MAPK10: variants seen among roughly 807,000 people sequenced by gnomAD.
The protein encoded by MAPK10 is mitogen-activated protein kinase 10, also known as JNK3 alpha protein kinase.
A neutral mutation model predicts 59.3 loss-of-function variants in MAPK10; 25 were observed. The ratio of observed to expected loss-of-function variants is 0.42; its 90% CI spans 0.31 to 0.59. MAPK10 has a LOEUF of 0.59. Among genes scored for constraint, MAPK10 ranks in the 20% least tolerant of loss-of-function variants. The pLI, the probability that MAPK10 is intolerant of heterozygous loss-of-function variation, is 0.15. For synonymous variants in MAPK10, 190 were observed against 200.5 expected (o/e 0.95, Z 0.44); for missense variants, 351 against 568.9 (o/e 0.62, Z 3.90).
chr4:86,045,398 C>G (rs1553926910), intron 11 of MAPK10, among the ~76,000 whole-genome samples: 1 of 152,090 alleles, frequency 6.6e-6, no homozygotes, highest in Non-Finnish European at 1.5e-5. Context: ...TATTACTCAT[C>G]TTTGAATTCC....
intron 1 of MAPK10, among the ~76,000 whole-genome samples, chr4:86,547,194 C>T (rs540346270): frequency 6.6e-6 from 1 of 152,384 alleles, no homozygotes; most frequent in South Asian, 2.1e-4. Context: ...CTCGGCGCCT[C>T]CCCTGCCTGG....
chr4:86,300,134 C>CTA (rs1264429381), intron 2 of MAPK10, among the ~76,000 whole-genome samples: 2 of 152,258 alleles, frequency 1.3e-5, no homozygotes, highest in African/African-American at 4.8e-5. Flanking sequence ...CTCAAGTGAT[C>CTA]TGCCCACCTC....
intron 1 of MAPK10, among the ~76,000 whole-genome samples, chr4:86,571,585 A>G (rs1761458336): frequency 6.6e-6 from 1 of 152,142 alleles, no homozygotes; most frequent in Non-Finnish European, 1.5e-5. Context: ...GAGGAAGTTA[A>G]AAGTTAAGTA....
chr4:86,296,185 A>AAG (rs1272319237), intron 2 of MAPK10, among the ~76,000 whole-genome samples: 11 of 151,840 alleles, frequency 7.2e-5, no homozygotes, highest in Admixed American at 4.6e-4. Context: ...CAAAAAAAAA[A>AAG]AAAAAGAAAA....
chr4:86,481,334 C>T (rs1753597325), intron 1 of MAPK10, among the ~76,000 whole-genome samples: 1 of 151,474 alleles, frequency 6.6e-6, no homozygotes, highest in South Asian at 2.1e-4. Flanking sequence ...GAGTTTAAGG[C>T]ACCAATCAGC....
chr4:86,488,805 G>C (rs1334858374), intron 1 of MAPK10, among the ~76,000 whole-genome samples: 1 of 152,044 alleles, frequency 6.6e-6, no homozygotes, highest in East Asian at 1.9e-4. Flanking sequence ...CCTCACCTCA[G>C]CCTAGAATCC....
At chr4:86,327,484 C>T (rs1306187630) in intron 2 of MAPK10, 1 of 151,660 alleles carries the variant, frequency 6.6e-6, no homozygotes, top group Non-Finnish European at 1.5e-5. Context: ...CTGTCTTGTA[C>T]TAGCCAACAC....
At chr4:86,547,592 G>A (rs1759333825) in intron 1 of MAPK10, among the ~76,000 whole-genome samples, 2 of 152,290 alleles carry the variant, frequency 1.3e-5, no homozygotes, top group South Asian at 4.1e-4. Flanking sequence ...GCCGCCCCCT[G>A]CTCCACAGCA....
At chr4:86,538,401 C>G (rs1012854943) in intron 1 of MAPK10, among the ~76,000 whole-genome samples, 2 of 152,194 alleles carry the variant, frequency 1.3e-5, no homozygotes, top group African/African-American at 4.8e-5. Flanking sequence ...CCACCTTGGC[C>G]TCCCAAAGTG....
intron 1 of MAPK10, among the ~76,000 whole-genome samples, chr4:86,450,969 A>G (rs559989719): frequency 6.6e-6 from 1 of 152,346 alleles, no homozygotes; most frequent in South Asian, 2.1e-4. Context: ...TTGGATGTAA[A>G]TCCAAATCCT....
rs143551348 is a variant in MAPK10 at position 86,302,998 on chromosome 4, G to C, written c.-7+51532C>G. On this transcript the variant is annotated intron_variant, in intron 2 of 13. Transcript: ENST00000641462. Reference sequence around the variant, plus strand: ...GTAAGGCTGCCTCCTGTCCACTTTAGACTCAAACATCCCATTACCGGAATT... The same window carrying C: ...GTAAGGCTGCCTCCTGTCCACTTTACACTCAAACATCCCATTACCGGAATT... Among the ~76,000 whole-genome samples, 340 of 152,162 alleles carry C rather than the reference G, an allele frequency of 2.2e-3. 1 individual carries two copies. Among genetic ancestry groups the C allele is most frequent in the African/African-American group, 7.5e-3 (310 of 41,522 alleles).
chr4:86,040,194 A>G (rs920524059), intron 11 of MAPK10, among the ~76,000 whole-genome samples: 5 of 152,230 alleles, frequency 3.3e-5, no homozygotes, highest in Non-Finnish European at 5.9e-5. Context: ...ATAAACTAAG[A>G]GACAAAAAAG....
At chr4:86,193,897 G>C (rs1314462721) in intron 3 of MAPK10, 1 of 169,242 alleles carries the variant, frequency 5.9e-6, no homozygotes, top group Non-Finnish European at 1.3e-5. Context: ...GACACCTGAG[G>C]GAACCTGCAG....
At chr4:86,346,977 A>T (rs1728633636) in intron 2 of MAPK10, among the ~76,000 whole-genome samples, 1 of 152,098 alleles carries the variant, frequency 6.6e-6, no homozygotes, top group Non-Finnish European at 1.5e-5. Flanking sequence ...CTAAACTCCA[A>T]AGTAGAATTG....
At chr4:86,403,695 C>T (rs1027658931) in intron 1 of MAPK10, among the ~76,000 whole-genome samples, 9 of 152,018 alleles carry the variant, frequency 5.9e-5, no homozygotes, top group Non-Finnish European at 1.3e-4. Flanking sequence ...GAGAGAAGTG[C>T]AAGCAGGGGA....
chr4:86,337,321 T>C (rs1722096327), intron 2 of MAPK10, among the ~76,000 whole-genome samples: 1 of 152,210 alleles, frequency 6.6e-6, no homozygotes, highest in African/African-American at 2.4e-5. Flanking sequence ...TTTTCTGCAC[T>C]AATGATAAGA....
intron 2 of MAPK10, among the ~76,000 whole-genome samples, chr4:86,312,334 C>T (rs901068219): frequency 1.3e-5 from 2 of 152,070 alleles, no homozygotes; most frequent in Non-Finnish European, 2.9e-5. Context: ...TTCTTGGACT[C>T]TATATACCAT....
At chr4:86,077,119 G>T in intron 9 of MAPK10, among the ~76,000 whole-genome samples, 1 of 152,034 alleles carries the variant, frequency 6.6e-6, no homozygotes, top group East Asian at 1.9e-4. Flanking sequence ...ATTGTAAGAA[G>T]TTCAATTTTA....
intron 2 of MAPK10, among the ~76,000 whole-genome samples, chr4:86,252,390 T>C (rs1187672532): frequency 1.8e-5 from 2 of 112,628 alleles, no homozygotes; most frequent in Non-Finnish European, 3.4e-5. Context: ...TTTCTACATA[T>C]GGCTAGCCAG....
Sources: gnomAD v4.1 joint callset for allele counts (sites outside exome capture counted in the v4.1 genomes callset) on GRCh38, gnomAD v4.1.1 for gene constraint, MANE v1.5 for transcripts, NCBI Gene and HGNC (gene_info 2026-07-23, HGNC 2026-07-21) for gene names.